Variants in CMC1 observed in about 807,000 individuals in gnomAD.
CMC1 encodes the protein COX assembly mitochondrial protein homolog.
Under a neutral mutation model 14.1 loss-of-function variants are expected in CMC1, and 14 were observed. The ratio of observed to expected loss-of-function variants is 0.99; its 90% CI spans 0.66 to 1.55. CMC1 has a LOEUF of 1.55. Ranked by LOEUF, CMC1 falls within the 40% of genes most tolerant of loss-of-function variation. CMC1 has a pLI of 0.00. For synonymous variants in CMC1, 50 were observed against 38.4 expected (o/e 1.30, Z -1.12); for missense variants, 127 against 123.8 (o/e 1.03, Z -0.12).
chr3:28,268,633 C>A (rs909373606), intron 2 of CMC1, among the ~76,000 whole-genome samples: 1 of 152,160 alleles, frequency 6.6e-6, no homozygotes, highest in African/African-American at 2.4e-5. Flanking sequence ...TCCCAAGATC[C>A]GAGTTCTCCG....
intron 2 of CMC1, among the ~76,000 whole-genome samples, chr3:28,278,534 T>C (rs367667236): frequency 1.3e-5 from 2 of 152,210 alleles, no homozygotes; most frequent in South Asian, 2.1e-4. Context: ...TAGTGATAGA[T>C]TAAAAATTGA....
intron 3 of CMC1, chr3:28,317,370 C>T (rs1702978793): frequency 6.6e-6 from 1 of 151,574 alleles, no homozygotes; most frequent in African/African-American, 2.4e-5. Context: ...ATCAAAGCAG[C>T]CCTTATTTAT....
intron 2 of CMC1, among the ~76,000 whole-genome samples, chr3:28,268,041 A>G (rs559772347): frequency 6.6e-6 from 1 of 152,204 alleles, no homozygotes; most frequent in Non-Finnish European, 1.5e-5. Flanking sequence ...GTTTTGATAT[A>G]CTAAAAGGAA....
intron 2 of CMC1, 58 bp from the exon 3 acceptor site, chr3:28,316,275 T>G: frequency 7.6e-6 from 6 of 792,604 alleles, no homozygotes; most frequent in Non-Finnish European, 1.2e-5. Context: ...AAATTGTGTG[T>G]GTGGGTATTT....
intron 2 of CMC1, among the ~76,000 whole-genome samples, chr3:28,290,632 G>A (rs1336323106): frequency 1.3e-5 from 2 of 151,938 alleles, no homozygotes; most frequent in African/African-American, 4.8e-5. Context: ...GGAACATACT[G>A]TGCCCTTTTG....
chr3:28,274,220 C>CTTTTTTTTTTTTTTTTT (rs544985268), intron 2 of CMC1, among the ~76,000 whole-genome samples: 1 of 112,326 alleles, frequency 8.9e-6, no homozygotes, highest in Non-Finnish European at 1.7e-5. Context: ...TTGTTTTTTT[C>CTTTTTTTTTTTTTTTTT]TTTTTTTTTT....
chr3:28,241,866 C>G, intron 1 of CMC1, 54 bp downstream of exon 1: 10 of 1,234,116 alleles, frequency 8.1e-6, no homozygotes, highest in Non-Finnish European at 1.0e-5. Context: ...GGTCTCACGC[C>G]GCGGGCCATG....
chr3:28,316,268 T>A, intron 2 of CMC1, 65 bp from the exon 3 acceptor site: 2 of 758,482 alleles, frequency 2.6e-6, no homozygotes, highest in Non-Finnish European at 4.0e-6. Flanking sequence ...AAGAAGAAAA[T>A]TGTGTGTGTG....
chr3:28,266,507 T>C (rs1700011579), intron 2 of CMC1, among the ~76,000 whole-genome samples: 1 of 151,862 alleles, frequency 6.6e-6, no homozygotes, highest in African/African-American at 2.4e-5. Context: ...GTATATGGTT[T>C]TTTTTTTTCC....
intron 1 of CMC1, among the ~76,000 whole-genome samples, chr3:28,248,814 G>A (rs1576969204): frequency 1.3e-5 from 2 of 152,020 alleles, no homozygotes; most frequent in African/African-American, 4.8e-5. Context: ...TTTTGAGACA[G>A]AGTCTCGCTC....
chr3:28,295,278 A>G (rs1338977354), intron 2 of CMC1, among the ~76,000 whole-genome samples: 1 of 152,138 alleles, frequency 6.6e-6, no homozygotes, highest in Non-Finnish European at 1.5e-5. Flanking sequence ...TCTTTAGACT[A>G]GGCTACCTTA....
chr3:28,309,042 C>T (rs1055345735), intron 2 of CMC1, among the ~76,000 whole-genome samples: 1 of 151,952 alleles, frequency 6.6e-6, no homozygotes, highest in Non-Finnish European at 1.5e-5. Context: ...CTAGTGGACC[C>T]TGATTTTATA....
intron 2 of CMC1, among the ~76,000 whole-genome samples, chr3:28,303,263 T>G (rs753697425): frequency 1.3e-5 from 2 of 152,158 alleles, no homozygotes; most frequent in Non-Finnish European, 2.9e-5. Context: ...GATTAGGAAG[T>G]TGTCATGGGA....
rs553541076 is a variant in CMC1 at position 28,275,917 on chromosome 3, C to T, written c.109+12537C>T. On this transcript the variant is annotated intron_variant, in intron 2 of 3. Transcript: ENST00000466830. Reference sequence around the variant, plus strand: ...CACTATCTGCCACAGCCACTGGGCTCTGCTGTGGGAAATTCCTCCTGGTTC... The same window carrying T: ...CACTATCTGCCACAGCCACTGGGCTTTGCTGTGGGAAATTCCTCCTGGTTC... Among the ~76,000 whole-genome samples the T allele has an allele frequency of 2.0e-5, 3 of 152,302 alleles. No homozygotes were observed. In the East Asian group the frequency reaches 5.8e-4, roughly 29 times the overall value.
intron 1 of CMC1, among the ~76,000 whole-genome samples, chr3:28,260,938 T>C (rs1274388953): frequency 2.6e-5 from 4 of 152,164 alleles, no homozygotes; most frequent in Non-Finnish European, 5.9e-5. Flanking sequence ...ATTACATTGG[T>C]GTCAGGGAAC....
At chr3:28,295,267 C>A (rs1701679715) in intron 2 of CMC1, among the ~76,000 whole-genome samples, 1 of 152,118 alleles carries the variant, frequency 6.6e-6, no homozygotes, top group Non-Finnish European at 1.5e-5. Flanking sequence ...GCTATGCCTT[C>A]TCTTTAGACT....
rs184368608 is a variant in CMC1 at position 28,312,271 on chromosome 3, G to A, written c.110-4062G>A. ...TACTGAAAAGTTAGGAATAAGTGCT[G>A]TGTCTAAAGACAGTTGTGAAAAAAT... On this transcript the variant is annotated intron_variant, in intron 2 of 3. Coordinates refer to ENST00000466830, the MANE Select transcript of CMC1 (RefSeq NM_182523.2). Among the ~76,000 whole-genome samples, 122 of 152,302 alleles carry A rather than the reference G, an allele frequency of 8.0e-4. 1 individual carries two copies. Among genetic ancestry groups the A allele is most frequent in the African/African-American group, 2.9e-3 (119 of 41,566 alleles).
At chr3:28,286,420 A>G (rs1443229297) in intron 2 of CMC1, among the ~76,000 whole-genome samples, 1 of 152,158 alleles carries the variant, frequency 6.6e-6, no homozygotes, top group East Asian at 1.9e-4. Flanking sequence ...AAGTTTTAAC[A>G]TGTCATTTAG....
At chr3:28,251,560 G>A (rs997725820) in intron 1 of CMC1, among the ~76,000 whole-genome samples, 1 of 152,138 alleles carries the variant, frequency 6.6e-6, no homozygotes, top group Non-Finnish European at 1.5e-5. Flanking sequence ...TATGGAACTG[G>A]TTTTCATGTT....
Sources: allele counts gnomAD v4.1 joint callset (sites outside exome capture counted in the v4.1 genomes callset), GRCh38; gene constraint gnomAD v4.1.1; transcripts MANE v1.5; gene names NCBI Gene and HGNC (gene_info 2026-07-23, HGNC 2026-07-21).